The following NOTCH2 variants were observed in gnomAD, a reference collection of about 807,000 sequenced individuals.
The protein encoded by NOTCH2 is notch receptor 2.
In NOTCH2, 29 loss-of-function variants were observed where a neutral mutation model predicts 235.8. The observed-to-expected ratio is 0.12, with a 90% CI of 0.09 to 0.17. The LOEUF is 0.17. Ranked by LOEUF, NOTCH2 falls within the 10% of genes least tolerant of loss-of-function variation. The pLI, the probability that NOTCH2 is intolerant of heterozygous loss-of-function variation, is 1.00. For missense variants in NOTCH2, 2,285 were observed against 3,150.2 expected, an observed-to-expected ratio of 0.73 and a Z score of 6.57; for synonymous variants, 1,086 against 1,141.5, an observed-to-expected ratio of 0.95 and a Z score of 0.98.
intron 31 of NOTCH2, among the ~76,000 whole-genome samples, chr1:119,918,984 G>A (rs188720527): frequency 6.6e-6 from 1 of 152,284 alleles, no homozygotes; most frequent in African/African-American, 2.4e-5. Flanking sequence ...ATAAGAAGTA[G>A]CGGATACTAG....
intron 5 of NOTCH2, among the ~76,000 whole-genome samples, chr1:119,976,613 C>T (rs1004537552): frequency 2.6e-5 from 4 of 151,952 alleles, no homozygotes; most frequent in East Asian, 3.9e-4. Context: ...TCTAAAGAGC[C>T]GCCAGGATGA....
intron 15 of NOTCH2, among the ~76,000 whole-genome samples, chr1:119,949,793 A>C (rs1553197518): frequency 6.6e-6 from 1 of 152,156 alleles, no homozygotes; most frequent in Non-Finnish European, 1.5e-5. Context: ...AGTCACTATT[A>C]ACAGCTGCTA....
chr1:119,960,025 C>A lies in NOTCH2; in HGVS notation c.1916-523G>T, dbSNP rs1650874862. ...GCATGCCAAGTATGAGAGTTGTCTC[C>A]AGGAAGAGCTATAATGCTATTGTTT... On this transcript the variant is annotated intron_variant, in intron 11 of 33. Coordinates refer to ENST00000256646, the MANE Select transcript of NOTCH2 (RefSeq NM_024408.4). 2.0e-5 allele frequency among the ~76,000 whole-genome samples: 3 copies of A among 152,220 alleles called. No individual in the cohort carries two copies. The South Asian group carries it at 6.2e-4, about 32-fold the overall frequency.
At chr1:119,921,030 C>T (rs775860495) in intron 29 of NOTCH2, among the ~76,000 whole-genome samples, 5 of 152,168 alleles carry the variant, frequency 3.3e-5, no homozygotes, top group South Asian at 2.1e-4. Context: ...TATTATTATC[C>T]GCATTTTACA....
chr1:119,923,740 C>T lies in NOTCH2; in HGVS notation c.4756G>A (p.Glu1586Lys). 2 of 1,614,150 alleles carry T rather than the reference C, an allele frequency of 1.2e-6. No individual in the cohort carries two copies. Among genetic ancestry groups the T allele is most frequent in the Admixed American group, 1.7e-5 (1 of 60,020 alleles). The change falls in exon 26 of 34, where the codon GAA becomes AAA. Residue 1586 changes from glutamate (E) to lysine (K), a missense_variant. This residue lies in a region of NOTCH2 where 1,173 missense variants were observed against 1,515.3 expected (regional missense o/e 0.77). Coordinates refer to ENST00000256646, the MANE Select transcript of NOTCH2 (RefSeq NM_024408.4). ...NLRIKRDSQGELMVYPYYGEK... is the reference protein window; with the variant it reads ...NLRIKRDSQGKLMVYPYYGEK... ...CCATAATAGGGGTACACCATGAGTT[C>T]CCCCTGGGAGTCCCGCTTAATGCGC...
chr1:119,956,704 A>C (rs933402979), intron 12 of NOTCH2, among the ~76,000 whole-genome samples: 6 of 152,224 alleles, frequency 3.9e-5, no homozygotes, highest in South Asian at 2.1e-4. Context: ...ATAACAGGAA[A>C]AAGGTTTCTT....
In NOTCH2 at chr1:119,981,112, A is replaced by G. The variant is rs1190679524; in HGVS notation, c.874+5848T>C. Among the ~76,000 whole-genome samples the G allele has an allele frequency of 2.0e-5, 3 of 152,076 alleles. No individual in the cohort carries two copies. The East Asian group carries it at 5.8e-4, about 29-fold the overall frequency. On this transcript the variant is annotated intron_variant, in intron 5 of 33. Transcript: ENST00000256646. ...CTGAGCTCCTGGGTCTTACTGCTGC[A>G]TGTTTTTCACTTGGAAAACTCATCT...
chr1:119,944,170 T>C (rs1012664336), intron 17 of NOTCH2, among the ~76,000 whole-genome samples: 1 of 152,126 alleles, frequency 6.6e-6, no homozygotes, highest in African/African-American at 2.4e-5. Context: ...TACCAAATAA[T>C]GGTTAAAATA....
chr1:119,929,980 T>C (rs1649598865), intron 22 of NOTCH2, among the ~76,000 whole-genome samples: 2 of 152,248 alleles, frequency 1.3e-5, no homozygotes, highest in African/African-American at 4.8e-5. Context: ...TTCAGACACA[T>C]AAATACTTAC....
At chr1:119,970,991 T>A (rs1651339263) in intron 5 of NOTCH2, among the ~76,000 whole-genome samples, 1 of 152,236 alleles carries the variant, frequency 6.6e-6, no homozygotes, top group South Asian at 2.1e-4. Context: ...GCCAAGGCTA[T>A]CTCTAGACCC....
intron 4 of NOTCH2, chr1:119,994,504 A>G (rs1652353961): frequency 7.5e-6 from 1 of 132,924 alleles, no homozygotes. Flanking sequence ...CTACTTTTAA[A>G]CATCTGCACA....
chr1:119,951,758 A>C (rs1410786122), intron 14 of NOTCH2, among the ~76,000 whole-genome samples: 3 of 152,246 alleles, frequency 2.0e-5, no homozygotes, highest in African/African-American at 4.8e-5. Context: ...CTTAAAGTAG[A>C]GAAACTATGG....
intron 22 of NOTCH2, among the ~76,000 whole-genome samples, chr1:119,933,757 T>A (rs1298842925): frequency 5.9e-5 from 9 of 152,250 alleles, no homozygotes; most frequent in Admixed American, 5.9e-4. Context: ...GGACTGGACA[T>A]GTCTTATTAA....
chr1:120,039,470 G>A (rs587678619), intron 1 of NOTCH2, among the ~76,000 whole-genome samples: 180 of 149,070 alleles, frequency 1.2e-3, no homozygotes, highest in Non-Finnish European at 2.2e-3. Flanking sequence ...GTGCAGTGGC[G>A]CAATCTCAGC....
intron 14 of NOTCH2, 105 bp downstream of exon 14, chr1:119,953,438 C>A: frequency 3.2e-6 from 4 of 1,237,396 alleles, no homozygotes; most frequent in Non-Finnish European, 4.8e-6. Context: ...ATGTTTGTTA[C>A]ACGAATGAAT....
intron 22 of NOTCH2, 55 bp downstream of exon 22, chr1:119,935,417 A>T: frequency 6.2e-7 from 1 of 1,613,822 alleles, no homozygotes; most frequent in Non-Finnish European, 8.5e-7. Flanking sequence ...CTAAGAATGG[A>T]TTTATAACTT....
chr1:119,921,356 CATCTT>C (rs1362620773), intron 29 of NOTCH2, among the ~76,000 whole-genome samples: 2 of 152,214 alleles, frequency 1.3e-5, no homozygotes, highest in Non-Finnish European at 2.9e-5. Context: ...TGCTTAATTT[CATCTT>C]CTCTTATAGA....
At chr1:120,048,687 A>G (rs1215158087) in intron 1 of NOTCH2, among the ~76,000 whole-genome samples, 2 of 140,782 alleles carry the variant, frequency 1.4e-5, no homozygotes, top group Non-Finnish European at 3.0e-5. Flanking sequence ...GTGTCAAGCG[A>G]TCCTCCTGCC....
intron 2 of NOTCH2, among the ~76,000 whole-genome samples, chr1:120,009,413 G>A (rs1196874997): frequency 6.0e-5 from 9 of 151,012 alleles, no homozygotes; most frequent in African/African-American, 2.2e-4. Context: ...CTGGACATCA[G>A]CTTAGTTCTT....
Sources: gnomAD v4.1 joint callset for allele counts (sites outside exome capture counted in the v4.1 genomes callset) on GRCh38, gnomAD v4.1.1 for gene constraint, gnomAD v4.1.1 regional missense constraint, MANE v1.5 for transcripts, NCBI Gene and HGNC (gene_info 2026-07-23, HGNC 2026-07-21) for gene names.